DBT: variants seen among roughly 807,000 people sequenced by gnomAD.
DBT encodes the protein lipoamide acyltransferase component of branched-chain alpha-keto acid dehydrogenase complex, mitochondrial.
In DBT, 40 loss-of-function variants were observed where a neutral mutation model predicts 51.3. That is an observed-to-expected ratio of 0.78 (90% CI 0.61 to 1.02). The LOEUF (loss-of-function observed/expected upper bound fraction) is 1.02. DBT is among the 50% of genes least tolerant of loss of function. The pLI is 0.00. For missense variants in DBT, 510 were observed against 580.2 expected (o/e 0.88, Z 1.24); for synonymous variants, 181 against 190.4 (o/e 0.95, Z 0.41).
chr1:100,210,843 A>G, intron 7 of DBT, 72 bp from the exon 8 acceptor site: 1 of 1,592,406 alleles, frequency 6.3e-7, no homozygotes. Context: ...AAACAATAAG[A>G]GGTATAAAAG....
At chr1:100,196,453 A>ATG in intron 10 of DBT, 31 bp from the exon 11 acceptor site, 1 of 1,509,612 alleles carries the variant, frequency 6.6e-7, no homozygotes, top group Non-Finnish European at 9.0e-7. Flanking sequence ...AAAAAAAAAA[A>ATG]AAAAAAGAAC....
intron 8 of DBT, among the ~76,000 whole-genome samples, chr1:100,210,044 G>C (rs946402440): frequency 2.0e-5 from 3 of 151,772 alleles, no homozygotes; most frequent in Non-Finnish European, 2.9e-5. Context: ...AGGCACAGTG[G>C]TTCATGCCTG....
In DBT at chr1:100,216,193, G is replaced by A. The variant is rs370323452; in HGVS notation, c.562C>T (p.Leu188=). 57 of 1,608,368 alleles carry A rather than the reference G, an allele frequency of 3.5e-5. No homozygotes were observed. Among genetic ancestry groups the A allele is most frequent in the Non-Finnish European group, 4.4e-5 (52 of 1,175,350 alleles). The change falls in exon 6 of 11, where the codon CTG becomes TTG. Residue 188 remains leucine (L), a synonymous_variant. Transcript: ENST00000370132. ...RRLAMENNIK[L]SEVVGSGKDG... ...TTTCCTGAGCCAACAACTTCACTCA[G>A]CTTAATCTAAAAAATGATATATTTT...
chr1:100,230,645 A>C lies in DBT; in HGVS notation c.433+88T>G, dbSNP rs1195388448. On this transcript the variant is annotated intron_variant, in intron 4 of 10. Transcript: ENST00000370132. ...ATAGGAATAGAAAAAAAAAAAACAA[A>C]AAAACAAAGATCACTTTTAATTGGG... The C allele has an allele frequency of 1.5e-5, 13 of 851,592 alleles. No homozygotes were observed. The African/African-American group carries it at 2.2e-4, about 15-fold the overall frequency. The allele number at this position is 851,592 out of a possible 1,614,324, so 52.8% of individuals were successfully genotyped here.
chr1:100,210,287 G>A (rs976851828), intron 8 of DBT, among the ~76,000 whole-genome samples: 2 of 149,036 alleles, frequency 1.3e-5, no homozygotes, highest in Non-Finnish European at 3.0e-5. Context: ...TTCCAAACTG[G>A]TGACAGAGTG....
At chr1:100,196,555 G>T in intron 10 of DBT, 133 bp from the exon 11 acceptor site, 1 of 1,358,906 alleles carries the variant, frequency 7.4e-7, no homozygotes, top group South Asian at 1.4e-5. Flanking sequence ...AGAAAAAAAT[G>T]GGCATCCCCA....
chr1:100,221,413 A>C (rs188550898), intron 4 of DBT, among the ~76,000 whole-genome samples: 1 of 152,190 alleles, frequency 6.6e-6, no homozygotes, highest in African/African-American at 2.4e-5. Flanking sequence ...TTGAACTCCT[A>C]ACTTCAAGTG....
intron 1 of DBT, among the ~76,000 whole-genome samples, chr1:100,244,018 A>G (rs1478684378): frequency 6.8e-6 from 1 of 147,344 alleles, no homozygotes; most frequent in Non-Finnish European, 1.5e-5. Flanking sequence ...CATAGCTGTA[A>G]TCTCATTGCA....
In DBT at chr1:100,191,787, C is replaced by G. The variant is rs995218053; in HGVS notation, c.*4468G>C. On this transcript the variant is annotated 3_prime_UTR_variant, in exon 11 of 11. Transcript: ENST00000370132. Reference sequence around the variant, plus strand: ...ACACACACACACACACACACACACACACACACACACACACACACACAGAGT... The same window carrying G: ...ACACACACACACACACACACACACAGACACACACACACACACACACAGAGT... The G allele has an allele frequency of 1.3e-4, 7 of 54,942 alleles. No individual in the cohort carries two copies. Among genetic ancestry groups the G allele is most frequent in the Middle Eastern group, 0.023 (2 of 88 alleles). The allele number at this position is 54,942 out of a possible 1,614,324, so 3.4% of individuals were successfully genotyped here.
Position 100,243,401 on chromosome 1 carries a change from G to A in DBT, c.52-2517C>T, listed in dbSNP as rs187281764. On this transcript the variant is annotated intron_variant, in intron 1 of 10. Coordinates refer to ENST00000370132, the MANE Select transcript of DBT (RefSeq NM_001918.5). ...ACGATCTCAGCTTACTGCAACCTCC[G>A]CCTCCCAGGTTCATGCGATTCTCGT... is the stretch of plus-strand genomic sequence containing the variant. Among the ~76,000 whole-genome samples, 833 of 149,704 alleles carry A rather than the reference G, an allele frequency of 5.6e-3. 9 individuals are homozygous for A. The highest frequency in any genetic ancestry group is 0.019 in the African/African-American group (762 of 40,724).
chr1:100,218,777 T>A (rs757752405), intron 4 of DBT, 30 bp from the exon 5 acceptor site: 20 of 1,611,146 alleles, frequency 1.2e-5, no homozygotes, highest in Non-Finnish European at 1.6e-5. Context: ...TAACTTCAGT[T>A]GAAAAAAAAT....
intron 10 of DBT, among the ~76,000 whole-genome samples, chr1:100,198,631 T>C (rs1416095257): frequency 6.6e-6 from 1 of 152,170 alleles, no homozygotes; most frequent in Non-Finnish European, 1.5e-5. Context: ...TTTGTGAGAA[T>C]CAAATGTTGA....
At chr1:100,232,201 A>C (rs758744038) in intron 3 of DBT, among the ~76,000 whole-genome samples, 1 of 152,238 alleles carries the variant, frequency 6.6e-6, no homozygotes, top group Non-Finnish European at 1.5e-5. Context: ...GATGTTTGAT[A>C]GACTGGGTAT....
rs147210028 is a variant in DBT at position 100,199,161 on chromosome 1, A to C, written c.1282-2739T>G. Among the ~76,000 whole-genome samples, 570 of 152,226 alleles carry C rather than the reference A, an allele frequency of 3.7e-3. 3 individuals carry two copies. Among genetic ancestry groups the C allele is most frequent in the African/African-American group, 0.013 (525 of 41,514 alleles). ...ATGATTCTAACATGTAGCCAGGGTG[A>C]AGAATCACTGCAACCCTTATTCTAA... On this transcript the variant is annotated intron_variant, in intron 10 of 10. Transcript: ENST00000370132.
At chr1:100,225,096 T>C (rs966582567) in intron 4 of DBT, among the ~76,000 whole-genome samples, 24 of 131,952 alleles carry the variant, frequency 1.8e-4, no homozygotes, top group Non-Finnish European at 3.3e-4. Context: ...CACACACACA[T>C]ATAATCTGAT....
At chr1:100,215,827 A>AG (rs1476325299) in intron 6 of DBT, among the ~76,000 whole-genome samples, 156 bp downstream of exon 6, 2 of 152,222 alleles carry the variant, frequency 1.3e-5, no homozygotes, top group African/African-American at 4.8e-5. Context: ...CATCTCAAAA[A>AG]AAAAGAAAAG....
chr1:100,230,669 G>T, intron 4 of DBT, 64 bp downstream of exon 4: 1 of 1,041,414 alleles, frequency 9.6e-7, no homozygotes, highest in Non-Finnish European at 1.4e-6. Flanking sequence ...CTTTTAATTG[G>T]GACCCAATGA....
intron 4 of DBT, among the ~76,000 whole-genome samples, chr1:100,224,497 T>C (rs376009261): frequency 5.9e-5 from 9 of 152,076 alleles, no homozygotes; most frequent in African/African-American, 2.2e-4. Flanking sequence ...AGTCCAAATA[T>C]AAAAGCAAAA....
At position 100,232,128 on chromosome 1, in the gene DBT, T is replaced by G. The variant is rs114300978; in HGVS notation, c.252-1214A>C. Reference sequence around the variant, plus strand: ...AAAATGGACTTTGTATTAGATGACTTTGCCCAAATGTGGGCTAAGGTAAGC... The same window carrying G: ...AAAATGGACTTTGTATTAGATGACTGTGCCCAAATGTGGGCTAAGGTAAGC... On this transcript the variant is annotated intron_variant, in intron 3 of 10. Transcript: ENST00000370132. Among the ~76,000 whole-genome samples, 1,373 of 152,332 alleles carry G rather than the reference T, an allele frequency of 9.0e-3. 24 individuals carry two copies. Among genetic ancestry groups the G allele is most frequent in the African/African-American group, 0.032 (1,328 of 41,568 alleles).
Sources: gnomAD v4.1 joint callset for allele counts (sites outside exome capture counted in the v4.1 genomes callset) on GRCh38, gnomAD v4.1.1 for gene constraint, MANE v1.5 for transcripts, NCBI Gene and HGNC (gene_info 2026-07-23, HGNC 2026-07-21) for gene names.